The following ZFPM2 variants were observed in gnomAD, a reference collection of about 807,000 sequenced individuals.
ZFPM2 encodes zinc finger protein ZFPM2.
Under a neutral mutation model 98.6 loss-of-function variants are expected in ZFPM2, and 20 were observed. That is an observed-to-expected ratio of 0.20 (90% CI 0.14 to 0.29). ZFPM2 has a LOEUF of 0.29. Ranked by LOEUF, ZFPM2 falls within the 10% of genes least tolerant of loss-of-function variation. The pLI is 1.00. For synonymous variants in ZFPM2, 518 were observed against 502.7 expected (o/e 1.03, Z -0.41); for missense variants, 1,310 against 1,388.6 (o/e 0.94, Z 0.90).
At chr8:105,365,151 GTTT>G (rs1209761301) in intron 1 of ZFPM2, among the ~76,000 whole-genome samples, 1 of 152,110 alleles carries the variant, frequency 6.6e-6, no homozygotes, top group African/African-American at 2.4e-5. Context: ...CTTTCAGTGT[GTTT>G]TTGGTGATCA....
chr8:105,781,224 A>G (rs1813240150), intron 5 of ZFPM2, among the ~76,000 whole-genome samples: 1 of 152,202 alleles, frequency 6.6e-6, no homozygotes, highest in Non-Finnish European at 1.5e-5. Context: ...ATCGCCAGTC[A>G]GTGCTTGATG....
At chr8:105,342,519 G>A (rs911157546) in intron 1 of ZFPM2, among the ~76,000 whole-genome samples, 2 of 151,624 alleles carry the variant, frequency 1.3e-5, no homozygotes, top group Non-Finnish European at 2.9e-5. Context: ...AACATTAATG[G>A]GACATTAATA....
chr8:105,663,556 G>A (rs1346587688), intron 5 of ZFPM2, among the ~76,000 whole-genome samples: 1 of 152,024 alleles, frequency 6.6e-6, no homozygotes, highest in East Asian at 1.9e-4. Context: ...ACTTCTTTTT[G>A]CAACCTTATA....
At chr8:105,353,992 T>C (rs575589305) in intron 1 of ZFPM2, among the ~76,000 whole-genome samples, 1 of 152,224 alleles carries the variant, frequency 6.6e-6, no homozygotes, top group South Asian at 2.1e-4. Context: ...GACCACCCAC[T>C]TCCTGGATCA....
chr8:105,577,972 T>C (rs1432739875), intron 4 of ZFPM2, among the ~76,000 whole-genome samples: 1 of 152,096 alleles, frequency 6.6e-6, no homozygotes, highest in Non-Finnish European at 1.5e-5. Context: ...TTTAATTGAA[T>C]TAGGGATACT....
Position 105,318,650 on chromosome 8 carries a change from G to C in ZFPM2, c.-292G>C, listed in dbSNP as rs1402709251. 6.6e-6 allele frequency: 1 copy of C among 150,578 alleles called. No individual in the cohort carries two copies. Among genetic ancestry groups the C allele is most frequent in the African/African-American group, 2.4e-5 (1 of 40,996 alleles). 9.3% of individuals were successfully genotyped at this position (150,578 alleles called of 1,614,324 possible). ...TCTCTTTCCCCTTTTCTCTCTCCCT[G>C]ACCGTTCGCTTGTACATTCCCATTC... On this transcript the variant is annotated 5_prime_UTR_variant, in exon 1 of 8. Coordinates refer to ENST00000407775, the MANE Select transcript of ZFPM2 (RefSeq NM_012082.4).
chr8:105,439,062 G>A (rs1406743428), intron 2 of ZFPM2, among the ~76,000 whole-genome samples: 1 of 152,042 alleles, frequency 6.6e-6, no homozygotes, highest in Non-Finnish European at 1.5e-5. Context: ...TTTCAAAAAT[G>A]TGTGAGTAAT....
At chr8:105,477,019 A>G (rs1586400668) in intron 3 of ZFPM2, among the ~76,000 whole-genome samples, 1 of 152,166 alleles carries the variant, frequency 6.6e-6, no homozygotes, top group Non-Finnish European at 1.5e-5. Context: ...TGTCACAGCT[A>G]TGCCGGTGTA....
chr8:105,325,489 C>T (rs886967682), intron 1 of ZFPM2, among the ~76,000 whole-genome samples: 3 of 151,642 alleles, frequency 2.0e-5, no homozygotes, highest in African/African-American at 4.8e-5. Flanking sequence ...TCACCATTAT[C>T]GGCACTAGGA....
At chr8:105,321,155 G>A (rs774961021) in intron 1 of ZFPM2, among the ~76,000 whole-genome samples, 3 of 152,072 alleles carry the variant, frequency 2.0e-5, no homozygotes, top group African/African-American at 4.8e-5. Flanking sequence ...CTTAAATGTC[G>A]TTTGACCAGC....
At chr8:105,535,984 A>G (rs1814442831) in intron 3 of ZFPM2, among the ~76,000 whole-genome samples, 1 of 152,198 alleles carries the variant, frequency 6.6e-6, no homozygotes. Context: ...ACTTGTCTGC[A>G]TAGGCAATAG....
At chr8:105,354,618 T>G (rs933474497) in intron 1 of ZFPM2, among the ~76,000 whole-genome samples, 12 of 152,206 alleles carry the variant, frequency 7.9e-5, no homozygotes, top group African/African-American at 2.9e-4. Flanking sequence ...ACTCTTCCAT[T>G]CCTTAATTGT....
In ZFPM2 at chr8:105,788,637, G is replaced by T. The variant is rs1563564896; in HGVS notation, c.533-81G>T. The T allele has an allele frequency of 3.0e-6, 4 of 1,338,346 alleles. No homozygotes were observed. In the East Asian group the frequency reaches 9.2e-5, roughly 31 times the overall value. 82.9% of individuals were successfully genotyped at this position (1,338,346 alleles called of 1,614,324 possible). On this transcript the variant is annotated intron_variant, in intron 5 of 7. Coordinates refer to ENST00000407775, the MANE Select transcript of ZFPM2 (RefSeq NM_012082.4). ...AAACCAGTGTGAAAAACATGAGAAG[G>T]TGCTATGGACATCAATCTAGTTTAC... is the stretch of plus-strand genomic sequence containing the variant.
At chr8:105,334,963 TAG>T (rs777110160) in intron 1 of ZFPM2, among the ~76,000 whole-genome samples, 2 of 151,568 alleles carry the variant, frequency 1.3e-5, no homozygotes, top group African/African-American at 2.4e-5. Flanking sequence ...GACCAAAGCT[TAG>T]AGTGTCAGTG....
intron 1 of ZFPM2, among the ~76,000 whole-genome samples, chr8:105,414,645 C>T (rs1454330840): frequency 6.6e-6 from 1 of 151,276 alleles, no homozygotes; most frequent in Non-Finnish European, 1.5e-5. Context: ...CCTTCTAGCT[C>T]TTACTCCAGT....
chr8:105,488,835 C>G lies in ZFPM2; in HGVS notation c.301+44454C>G, dbSNP rs146468514. Among the ~76,000 whole-genome samples, 53 of 152,254 alleles carry G rather than the reference C, an allele frequency of 3.5e-4. No individual in the cohort carries two copies. In the East Asian group the frequency reaches 0.01, roughly 29 times the overall value. On this transcript the variant is annotated intron_variant, in intron 3 of 7. Coordinates refer to ENST00000407775, the MANE Select transcript of ZFPM2 (RefSeq NM_012082.4). ...TGGAGGAAAAGAGATTCTATGTGAA[C>G]AAACCAGGCCTCTCAGATCTCTAAT...
chr8:105,635,384 C>T (rs536943173), intron 5 of ZFPM2, among the ~76,000 whole-genome samples: 35 of 152,066 alleles, frequency 2.3e-4, no homozygotes, highest in Non-Finnish European at 2.8e-4. Flanking sequence ...AATTTGTACA[C>T]TTATAAGAGG....
At chr8:105,429,239 A>T (rs1256187687) in intron 2 of ZFPM2, among the ~76,000 whole-genome samples, 2 of 152,070 alleles carry the variant, frequency 1.3e-5, no homozygotes, top group African/African-American at 4.8e-5. Flanking sequence ...AATGCAAATT[A>T]TGGCCCAGGC....
chr8:105,389,847 G>A (rs1811074179), intron 1 of ZFPM2, among the ~76,000 whole-genome samples: 2 of 152,158 alleles, frequency 1.3e-5, no homozygotes, highest in Non-Finnish European at 2.9e-5. Flanking sequence ...CCAGGAAAAA[G>A]GAAGCGCAGT....
Sources: allele counts gnomAD v4.1 joint callset (sites outside exome capture counted in the v4.1 genomes callset), GRCh38; gene constraint gnomAD v4.1.1; transcripts MANE v1.5; gene names NCBI Gene and HGNC (gene_info 2026-07-23, HGNC 2026-07-21).